BTF3L4: variants seen among roughly 807,000 people sequenced by gnomAD.
BTF3L4 encodes transcription factor BTF3 homolog 4.
A neutral mutation model predicts 16.8 loss-of-function variants in BTF3L4; 6 were observed. The ratio of observed to expected loss-of-function variants is 0.36; its 90% confidence interval spans 0.20 to 0.71. The LOEUF (loss-of-function observed/expected upper bound fraction) is 0.71, where lower values mean the gene tolerates loss of function less well. Among genes scored for constraint, BTF3L4 ranks in the 30% least tolerant of loss-of-function variants. The pLI is 0.58. For missense variants in BTF3L4, 92 were observed against 186.9 expected (o/e 0.49, Z 2.96); for synonymous variants, 39 against 59.8 (o/e 0.65, Z 1.60).
At chr1:52,075,535 A>C (rs1339346334) in intron 3 of BTF3L4, among the ~76,000 whole-genome samples, 1 of 147,468 alleles carries the variant, frequency 6.8e-6, no homozygotes, top group Non-Finnish European at 1.5e-5. Flanking sequence ...AAAAAAAAAA[A>C]AAACCATATA....
intron 3 of BTF3L4, among the ~76,000 whole-genome samples, chr1:52,066,507 C>A (rs549527762): frequency 1.3e-5 from 2 of 150,422 alleles, no homozygotes; most frequent in East Asian, 2.0e-4. Flanking sequence ...CAGCCAGTTC[C>A]ATCTGTGATG....
intron 4 of BTF3L4, among the ~76,000 whole-genome samples, chr1:52,085,285 C>T (rs1489616322): frequency 1.7e-4 from 25 of 151,414 alleles, no homozygotes; most frequent in Admixed American, 1.6e-3. Flanking sequence ...TCCCAAAGTG[C>T]TGGGATTACA....
At chr1:52,074,865 G>A (rs1572027999) in intron 3 of BTF3L4, among the ~76,000 whole-genome samples, 1 of 151,480 alleles carries the variant, frequency 6.6e-6, no homozygotes, top group African/African-American at 2.4e-5. Context: ...TTTTTATTTT[G>A]AAACAAGGTC....
intron 3 of BTF3L4, among the ~76,000 whole-genome samples, chr1:52,082,123 A>T (rs1198395820): frequency 6.6e-6 from 1 of 152,220 alleles, no homozygotes; most frequent in Non-Finnish European, 1.5e-5. Flanking sequence ...TCAACTACAT[A>T]GTGGAATCAC....
intron 2 of BTF3L4, chr1:52,060,446 T>C (rs1558003465): frequency 7.9e-7 from 1 of 1,270,164 alleles, no homozygotes; most frequent in African/African-American, 1.5e-5. Context: ...CACAAATTCT[T>C]ACCTGTTCTT....
intron 2 of BTF3L4, chr1:52,060,563 G>T: frequency 8.3e-7 from 1 of 1,205,824 alleles, no homozygotes; most frequent in Non-Finnish European, 1.1e-6. Flanking sequence ...TTCAGCTGTG[G>T]CACCAGGCTC....
At chr1:52,062,838 T>C (rs550111648) in intron 2 of BTF3L4, among the ~76,000 whole-genome samples, 2 of 152,348 alleles carry the variant, frequency 1.3e-5, no homozygotes, top group South Asian at 2.1e-4. Context: ...GGGAGGATGA[T>C]GGTTTTGGGA....
Position 52,078,848 on chromosome 1 carries a change from G to GA in BTF3L4, c.169-4483dup, listed in dbSNP as rs999984424. On this transcript the variant is annotated intron_variant, in intron 3 of 5. Transcript: ENST00000313334. ...TCCTTTACCTTCAGCTATCTTTAGG[G>GA]AAAAAAAAACAAATTTTGACCTAAA... Among the ~76,000 whole-genome samples the GA allele has an allele frequency of 4.4e-4, 66 of 149,724 alleles. 1 individual carries two copies. Among genetic ancestry groups the GA allele is most frequent in the Admixed American group, 3.3e-3 (49 of 14,926 alleles).
At chr1:52,066,826 A>G (rs1256441632) in intron 3 of BTF3L4, among the ~76,000 whole-genome samples, 1 of 151,946 alleles carries the variant, frequency 6.6e-6, no homozygotes, top group Non-Finnish European at 1.5e-5. Context: ...AGTCTGGGCA[A>G]CAGAGCGAGA....
chr1:52,088,812 T>C lies in BTF3L4; in HGVS notation c.*2054T>C, dbSNP rs1037419511. On this transcript the variant is annotated 3_prime_UTR_variant, in exon 6 of 6. Transcript: ENST00000313334. ...TTTGTTTGAGATGGGGATTTGCTCT[T>C]GTTGTCCAGGCCGAACTGCAATGTT... 2 of 152,176 alleles carry C rather than the reference T, an allele frequency of 1.3e-5. No homozygotes were observed. The highest frequency in any genetic ancestry group is 2.9e-5 in the Non-Finnish European group (2 of 68,036). The allele number at this position is 152,176 out of a possible 1,614,324, so 9.4% of individuals were successfully genotyped here.
At chr1:52,076,225 G>C (rs796133997) in intron 3 of BTF3L4, among the ~76,000 whole-genome samples, 3 of 152,226 alleles carry the variant, frequency 2.0e-5, no homozygotes, top group African/African-American at 7.2e-5. Flanking sequence ...GCGTTGAGCA[G>C]AGATAGCACC....
chr1:52,076,831 C>T (rs148806609), intron 3 of BTF3L4, among the ~76,000 whole-genome samples: 19 of 152,274 alleles, frequency 1.2e-4, no homozygotes, highest in African/African-American at 3.4e-4. Context: ...ACACCCCAGA[C>T]GCTTATGTGC....
chr1:52,059,601 CT>C (rs1165754569), intron 1 of BTF3L4, among the ~76,000 whole-genome samples: 6 of 152,098 alleles, frequency 3.9e-5, no homozygotes, highest in Non-Finnish European at 8.8e-5. Context: ...TCCCATTCTA[CT>C]TTCTGTTTGT....
chr1:52,086,776 G>T lies in BTF3L4; in HGVS notation c.*18G>T. On this transcript the variant is annotated 3_prime_UTR_variant, in exon 6 of 6. Transcript: ENST00000313334. ...CTAACTAAAAGTTTGGTTTTTGGAA[G>T]CTGGCATGGACTAGATTTAACAAAT... is the stretch of plus-strand genomic sequence containing the variant. 2 of 1,577,576 alleles carry T rather than the reference G, an allele frequency of 1.3e-6. No individual in the cohort carries two copies. The highest frequency in any genetic ancestry group is 1.8e-5 in the Admixed American group (1 of 56,530).
In BTF3L4 at chr1:52,066,196, T is replaced by G. The variant is rs541909125; in HGVS notation, c.168+1258T>G. 5.3e-5 allele frequency among the ~76,000 whole-genome samples: 8 copies of G among 151,812 alleles called. No homozygotes were observed. The South Asian group carries it at 1.7e-3, about 32-fold the overall frequency. ...TGCACCTCTGCCTGATGATTCCATT[T>G]GTTTTTTTGTTTTTTAAGACAGAAT... On this transcript the variant is annotated intron_variant, in intron 3 of 5. Coordinates refer to ENST00000313334, the MANE Select transcript of BTF3L4 (RefSeq NM_152265.5).
At chr1:52,084,991 C>T (rs1300751674) in intron 4 of BTF3L4, among the ~76,000 whole-genome samples, 1 of 144,992 alleles carries the variant, frequency 6.9e-6, no homozygotes, top group Non-Finnish European at 1.5e-5. Context: ...TACTTTCTTA[C>T]ACCAAAAGAA....
Position 52,076,741 on chromosome 1 carries a change from A to C in BTF3L4, c.169-6599A>C, listed in dbSNP as rs1159914369. ...ATAAGCAGATGCTGAGCTAGAATTGAATGTGAAGGATACTGACTGATTTAT... is the reference window on the plus strand; with the variant it reads ...ATAAGCAGATGCTGAGCTAGAATTGCATGTGAAGGATACTGACTGATTTAT... On this transcript the variant is annotated intron_variant, in intron 3 of 5. Transcript: ENST00000313334. Among the ~76,000 whole-genome samples, 5 of 152,242 alleles carry C rather than the reference A, an allele frequency of 3.3e-5. No homozygotes were observed. The East Asian group carries it at 9.6e-4, about 29-fold the overall frequency.
chr1:52,059,080 C>A (rs1388407093), intron 1 of BTF3L4, among the ~76,000 whole-genome samples: 1 of 151,872 alleles, frequency 6.6e-6, no homozygotes, highest in African/African-American at 2.4e-5. Context: ...CTCTGCCCCC[C>A]CCCAACATTT....
rs1644000636 is a variant in BTF3L4, at chr1:52,089,495, T to G, written c.*2737T>G. Reference sequence around the variant, plus strand: ...TTTGTAAATTGTAGTGTTCTTGGCATAAATATGAATTAAATCTTTTTTTAT... The same window carrying G: ...TTTGTAAATTGTAGTGTTCTTGGCAGAAATATGAATTAAATCTTTTTTTAT... On this transcript the variant is annotated 3_prime_UTR_variant, in exon 6 of 6. Coordinates refer to ENST00000313334, the MANE Select transcript of BTF3L4 (RefSeq NM_152265.5). The G allele has an allele frequency of 6.6e-6, 1 of 152,212 alleles. No homozygotes were observed. Among genetic ancestry groups the G allele is most frequent in the South Asian group, 2.1e-4 (1 of 4,830 alleles). 9.4% of individuals were successfully genotyped at this position (152,212 alleles called of 1,614,324 possible).
Sources: gnomAD v4.1 joint callset for allele counts (sites outside exome capture counted in the v4.1 genomes callset) on GRCh38, gnomAD v4.1.1 for gene constraint, MANE v1.5 for transcripts, NCBI Gene and HGNC (gene_info 2026-07-23, HGNC 2026-07-21) for gene names.